Variants in DLGAP4 observed in about 807,000 individuals in gnomAD.
DLGAP4 encodes disks large-associated protein 4.
DLGAP4 carries 18 observed loss-of-function variants against 86.9 expected under a neutral mutation model. The observed-to-expected ratio is 0.21, with a 90% confidence interval of 0.14 to 0.31. The LOEUF (loss-of-function observed/expected upper bound fraction) is 0.31. Among genes scored for constraint, DLGAP4 ranks in the 10% least tolerant of loss-of-function variants. The pLI is 1.00. For synonymous variants in DLGAP4, 548 were observed against 574.3 expected (o/e 0.95, Z 0.65); for missense variants, 1,085 against 1,362.6 (o/e 0.80, Z 3.21).
At chr20:36,376,480 A>C (rs1021842679) in intron 2 of DLGAP4, among the ~76,000 whole-genome samples, 1 of 152,070 alleles carries the variant, frequency 6.6e-6, no homozygotes, top group Non-Finnish European at 1.5e-5. Flanking sequence ...CAAAATATAT[A>C]TATAATTTTT....
intron 7 of DLGAP4, chr20:36,462,260 T>A (rs557790461): frequency 1.2e-4 from 153 of 1,264,400 alleles, no homozygotes; most frequent in Non-Finnish European, 1.5e-4. Context: ...TTTCCCCTGG[T>A]TTGTCCCCTG....
chr20:36,497,224 A>C, intron 8 of DLGAP4, 158 bp downstream of exon 8: 1 of 985,390 alleles, frequency 1.0e-6, no homozygotes, highest in Non-Finnish European at 1.2e-6. Context: ...AATTCCACCC[A>C]TAGCCACGCC....
intron 7 of DLGAP4, among the ~76,000 whole-genome samples, chr20:36,489,832 A>G (rs989743333): frequency 6.6e-6 from 1 of 150,948 alleles, no homozygotes; most frequent in African/African-American, 2.4e-5. Flanking sequence ...GTTTGAAAGT[A>G]AAGTTTGATG....
chr20:36,385,016 C>A (rs796381656), intron 2 of DLGAP4, among the ~76,000 whole-genome samples: 5 of 152,268 alleles, frequency 3.3e-5, no homozygotes, highest in African/African-American at 1.2e-4. Flanking sequence ...ACTTGAGTAT[C>A]TAATCCTGGG....
intron 2 of DLGAP4, among the ~76,000 whole-genome samples, chr20:36,368,603 T>C (rs1229586042): frequency 2.0e-5 from 3 of 152,214 alleles, no homozygotes; most frequent in Non-Finnish European, 1.5e-5. Context: ...CAAATAGCCG[T>C]TGCTTTTGGC....
At chr20:36,439,912 T>C in intron 5 of DLGAP4, 44 bp downstream of exon 5, 1 of 1,539,834 alleles carries the variant, frequency 6.5e-7, no homozygotes, top group Non-Finnish European at 8.9e-7. Flanking sequence ...GCTTGGGTAC[T>C]GATTCCCATC....
chr20:36,442,565 C>T (rs1460774619), intron 5 of DLGAP4, among the ~76,000 whole-genome samples, 162 bp from the exon 6 acceptor site: 1 of 152,176 alleles, frequency 6.6e-6, no homozygotes, highest in Non-Finnish European at 1.5e-5. Context: ...AGCCTCCCAT[C>T]CCTGGAAGAA....
intron 6 of DLGAP4, 99 bp downstream of exon 6, chr20:36,442,876 T>C: frequency 6.6e-7 from 1 of 1,514,684 alleles, no homozygotes; most frequent in Non-Finnish European, 9.2e-7. Flanking sequence ...CCCAGGCTGG[T>C]ACAAGCAGAG....
intron 1 of DLGAP4, among the ~76,000 whole-genome samples, chr20:36,317,226 TC>T (rs2065110065): frequency 2.9e-4 from 6 of 20,906 alleles, no homozygotes; most frequent in Non-Finnish European, 5.3e-4. Context: ...TCTCCTTTTT[TC>T]TTTCTTTCTT....
chr20:36,419,991 G>T (rs556163796), intron 2 of DLGAP4, among the ~76,000 whole-genome samples: 8 of 138,502 alleles, frequency 5.8e-5, no homozygotes, highest in Non-Finnish European at 4.6e-5. Flanking sequence ...AGGAGGAGTT[G>T]TAGTGAGGAT....
intron 7 of DLGAP4, among the ~76,000 whole-genome samples, chr20:36,456,243 G>A (rs1461900565): frequency 6.6e-6 from 1 of 152,218 alleles, no homozygotes; most frequent in East Asian, 1.9e-4. Flanking sequence ...AAGTCAGCCA[G>A]CTAGTAGGTC....
intron 1 of DLGAP4, among the ~76,000 whole-genome samples, chr20:36,348,574 A>T (rs1156764216): frequency 6.6e-6 from 1 of 151,838 alleles, no homozygotes; most frequent in Non-Finnish European, 1.5e-5. Flanking sequence ...GTGTGCCACC[A>T]TGGCCAGCTC....
chr20:36,481,032 G>A (rs1324395224), intron 7 of DLGAP4, among the ~76,000 whole-genome samples: 1 of 152,162 alleles, frequency 6.6e-6, no homozygotes, highest in Admixed American at 6.5e-5. Context: ...TGAATGTCAT[G>A]CACACAAAGA....
intron 8 of DLGAP4, chr20:36,498,403 ACCCT>A (rs1306014657): frequency 6.6e-6 from 1 of 152,070 alleles, no homozygotes; most frequent in Non-Finnish European, 1.5e-5. Flanking sequence ...GGGCAGCCCC[ACCCT>A]CTTGCTGGCC....
intron 10 of DLGAP4, among the ~76,000 whole-genome samples, chr20:36,504,180 A>G (rs1278723139): frequency 1.3e-5 from 2 of 152,192 alleles, no homozygotes; most frequent in Non-Finnish European, 2.9e-5. Flanking sequence ...CACTACCATC[A>G]CAACCATCTA....
chr20:36,525,216 C>A (rs1295208869), intron 11 of DLGAP4, among the ~76,000 whole-genome samples: 10 of 28,472 alleles, frequency 3.5e-4, no homozygotes, highest in Non-Finnish European at 4.5e-4. Flanking sequence ...GACTCCGTCT[C>A]AAAAAAAAAA....
intron 7 of DLGAP4, chr20:36,462,670 T>C: frequency 6.5e-7 from 1 of 1,537,618 alleles, no homozygotes; most frequent in Non-Finnish European, 8.7e-7. Context: ...CTCCATGGGG[T>C]TGGCGCTGGG....
rs2030107865 is a variant in DLGAP4 at position 36,350,264 on chromosome 20, GT to G, written c.-303-16778del. Among the ~76,000 whole-genome samples, 1 of 152,202 alleles carries G rather than the reference GT, an allele frequency of 6.6e-6. No individual in the cohort carries two copies. The highest frequency in any genetic ancestry group is 1.5e-5 in the Non-Finnish European group (1 of 68,034). On this transcript the variant is annotated intron_variant, in intron 1 of 12. Coordinates refer to ENST00000339266, the MANE Select transcript of DLGAP4 (RefSeq NM_001365621.2). The surrounding 1 kb of genome is among the most constrained non-coding windows in gnomAD (Gnocchi z 4.4). Reference sequence around the variant, plus strand: ...AGTTTCTCTTTGTGTGCTAGAGACAGTTTCCTTGTGGATATAGGGTAGCGGA... The same window carrying G: ...AGTTTCTCTTTGTGTGCTAGAGACAGTTCCTTGTGGATATAGGGTAGCGGA...
chr20:36,340,592 C>T (rs1272601153), intron 1 of DLGAP4, among the ~76,000 whole-genome samples: 1 of 152,176 alleles, frequency 6.6e-6, no homozygotes, highest in Non-Finnish European at 1.5e-5. Flanking sequence ...GTCTTTGTGA[C>T]CAGGGAAATG....
Sources: gnomAD v4.1 joint callset for allele counts (sites outside exome capture counted in the v4.1 genomes callset) on GRCh38, gnomAD v4.1.1 for gene constraint, Gnocchi (gnomAD v3.1) non-coding constraint, MANE v1.5 for transcripts, NCBI Gene and HGNC (gene_info 2026-07-23, HGNC 2026-07-21) for gene names.